The following ASB5 variants were observed in gnomAD, a reference collection of about 807,000 sequenced individuals.
ASB5 encodes the protein ankyrin repeat and SOCS box protein 5.
A neutral mutation model predicts 42.1 loss-of-function variants in ASB5; 45 were observed. The ratio of observed to expected loss-of-function variants is 1.07; its 90% CI spans 0.84 to 1.37. ASB5 has a LOEUF of 1.37. ASB5 is among the 40% of genes most tolerant of loss of function. The pLI, the probability that ASB5 is intolerant of heterozygous loss-of-function variation, is 0.00. For missense variants in ASB5, 402 were observed against 399.8 expected (o/e 1.01, Z -0.05); for synonymous variants, 147 against 150.6 (o/e 0.98, Z 0.18).
chr4:176,231,071 G>C (rs1753528516), intron 1 of ASB5, among the ~76,000 whole-genome samples: 1 of 152,152 alleles, frequency 6.6e-6, no homozygotes, highest in African/African-American at 2.4e-5. Context: ...TTTACAGGGA[G>C]AGAGCCTGCC....
chr4:176,270,967 T>G (rs1454811962), upstream of ASB5, among the ~76,000 whole-genome samples: 1 of 152,218 alleles, frequency 6.6e-6, no homozygotes, highest in East Asian at 1.9e-4. Flanking sequence ...TCTTTACCAG[T>G]AAGTGCTATC....
chr4:176,248,379 AC>A (rs2126967803), intron 1 of ASB5, among the ~76,000 whole-genome samples: 1 of 152,204 alleles, frequency 6.6e-6, no homozygotes, highest in African/African-American at 2.4e-5. Flanking sequence ...ACCTCGACCT[AC>A]CAAAGAGCTA....
intron 1 of ASB5, among the ~76,000 whole-genome samples, chr4:176,241,084 T>G (rs920585698): frequency 1.3e-5 from 2 of 152,194 alleles, no homozygotes; most frequent in African/African-American, 4.8e-5. Context: ...AGTATATAAT[T>G]TCATCCATAA....
chr4:176,273,992 G>A (rs1036172937), upstream of ASB5, among the ~76,000 whole-genome samples: 8 of 152,186 alleles, frequency 5.3e-5, no homozygotes, highest in South Asian at 8.3e-4. Flanking sequence ...CCCGGCTCTC[G>A]AGAAGGTTAC....
At chr4:176,269,524 T>A (rs1034897010), upstream of ASB5, among the ~76,000 whole-genome samples, 20 of 152,206 alleles carry the variant, frequency 1.3e-4, no homozygotes, top group Non-Finnish European at 2.8e-4. Context: ...TGTCTATCAT[T>A]TAAGGCTTTA....
chr4:176,223,536 A>T (rs1057296630), intron 2 of ASB5, among the ~76,000 whole-genome samples: 4 of 152,224 alleles, frequency 2.6e-5, no homozygotes, highest in Admixed American at 1.3e-4. Flanking sequence ...ATTGACAATC[A>T]TACTAAGCAC....
chr4:176,269,070 T>C lies in ASB5; in HGVS notation c.39A>G (p.Gln13=). 6.2e-7 allele frequency: 1 copy of C among 1,611,570 alleles called. No homozygotes were observed. The highest frequency in any genetic ancestry group is 1.1e-5 in the South Asian group (1 of 90,658). ...GTATTGTAAAGTAGACATTGGATAA[T>C]TGTTGAGCAAACGGCCGATTTTCTT... ...VLEENRPFAQ[Q]LSNVYFTILS... Residue 13 remains glutamine (Q), a synonymous_variant, in exon 1 of 7, where the codon CAA becomes CAG. Transcript: ENST00000296525.
At chr4:176,263,235 G>A (rs2126977340) in intron 1 of ASB5, among the ~76,000 whole-genome samples, 1 of 152,206 alleles carries the variant, frequency 6.6e-6, no homozygotes, top group Admixed American at 6.5e-5. Context: ...ACAGCCTGAG[G>A]CCCTCAGCAG....
intron 1 of ASB5, among the ~76,000 whole-genome samples, chr4:176,258,033 T>C (rs187782314): frequency 4.6e-4 from 70 of 152,342 alleles, no homozygotes; most frequent in Non-Finnish European, 8.4e-4. Flanking sequence ...GTTAATTTAT[T>C]ACAATGTTAA....
rs368126365 is a variant in ASB5, at chr4:176,221,168, C to T, written c.657G>A (p.Lys219=). The stretch of plus-strand genomic sequence containing the variant: ...AAAGGAAAATACCAGCATAAAGAAG[C>T]TTCCAGATGCAATGGAATTGCTGTG... ...CMSQQFHCIW[K]LLYAGADVQK... is the part of the protein sequence containing the mutation. The change falls in exon 5 of 7, where the codon AAG becomes AAA. Residue 219 remains lysine, a synonymous_variant. Coordinates refer to ENST00000296525, the MANE Select transcript of ASB5 (RefSeq NM_080874.4). 80 of 1,612,816 alleles carry T rather than the reference C, an allele frequency of 5.0e-5. No homozygotes were observed. The highest frequency in any genetic ancestry group is 3.7e-4 in the South Asian group (34 of 90,784).
chr4:176,219,346 T>TTGTATGATATATAAATATATA (rs1561250960), intron 5 of ASB5, among the ~76,000 whole-genome samples: 61 of 90,986 alleles, frequency 6.7e-4, no homozygotes, highest in East Asian at 9.5e-4. Context: ...ATATATATAT[T>TTGTATGATATATAAATATATA]TGTATGATAT....
At chr4:176,222,980 G>A (rs2126946546) in intron 2 of ASB5, among the ~76,000 whole-genome samples, 1 of 152,168 alleles carries the variant, frequency 6.6e-6, no homozygotes, top group East Asian at 1.9e-4. Context: ...GGGTTGCACT[G>A]TGTTAGCCAG....
At chr4:176,249,984 T>C (rs1214835326) in intron 1 of ASB5, among the ~76,000 whole-genome samples, 1 of 148,710 alleles carries the variant, frequency 6.7e-6, no homozygotes, top group Admixed American at 6.8e-5. Flanking sequence ...AGAATGACAT[T>C]AACCCGGGAG....
chr4:176,219,601 T>TATATATAA (rs1753139952), intron 5 of ASB5, among the ~76,000 whole-genome samples: 1 of 83,424 alleles, frequency 1.2e-5, no homozygotes, highest in Non-Finnish European at 3.0e-5. Context: ...TATATATATA[T>TATATATAA]ATATATATAT....
At position 176,215,254 on chromosome 4, in the gene ASB5, T is replaced by C. The variant is rs1477957778; in HGVS notation, c.*346A>G. ...AAGTTAACCCATTAGTTGAAGAACA[T>C]AGACCTTTTTAAATATAATATGAAT... On this transcript the variant is annotated 3_prime_UTR_variant, in exon 7 of 7. Transcript: ENST00000296525. 6.3e-6 allele frequency: 1 copy of C among 159,256 alleles called. No homozygotes were observed. The highest frequency in any genetic ancestry group is 2.4e-5 in the African/African-American group (1 of 41,654). The allele number at this position is 159,256 out of a possible 1,614,324, so 9.9% of individuals were successfully genotyped here. A position where few individuals can be genotyped will look rare whatever the true frequency, so the allele number is the denominator to read the frequency against.
At chr4:176,219,703 A>G (rs1182602594) in intron 5 of ASB5, among the ~76,000 whole-genome samples, 4 of 147,210 alleles carry the variant, frequency 2.7e-5, no homozygotes, top group African/African-American at 1.0e-4. Context: ...AGCAGCTGGG[A>G]CTACAGGCAC....
At chr4:176,251,685 C>T (rs897125851) in intron 1 of ASB5, among the ~76,000 whole-genome samples, 1 of 146,982 alleles carries the variant, frequency 6.8e-6, no homozygotes. Context: ...AAGCAGTGTT[C>T]TTTACTTAAA....
At chr4:176,265,921 G>A (rs2126978951) in intron 1 of ASB5, among the ~76,000 whole-genome samples, 1 of 152,270 alleles carries the variant, frequency 6.6e-6, no homozygotes, top group South Asian at 2.1e-4. Flanking sequence ...GGCCCCTGCA[G>A]TATGATGATG....
chr4:176,267,577 C>T (rs933246450), intron 1 of ASB5, among the ~76,000 whole-genome samples: 7 of 152,120 alleles, frequency 4.6e-5, no homozygotes, highest in East Asian at 3.9e-4. Context: ...AGCCACTCCA[C>T]TTCACTACAC....
Sources: allele counts gnomAD v4.1 joint callset (sites outside exome capture counted in the v4.1 genomes callset), GRCh38; gene constraint gnomAD v4.1.1; transcripts MANE v1.5; gene names NCBI Gene and HGNC (gene_info 2026-07-23, HGNC 2026-07-21).